Variants in ROBO1 observed in about 807,000 individuals in gnomAD.
ROBO1 encodes the protein roundabout guidance receptor 1.
A neutral mutation model predicts 195.9 loss-of-function variants in ROBO1; 149 were observed. That is an observed-to-expected ratio of 0.76 (90% CI 0.67 to 0.87). The LOEUF (loss-of-function observed/expected upper bound fraction) is 0.87. Ranked by LOEUF, ROBO1 falls within the 40% of genes least tolerant of loss-of-function variation. The pLI, the probability that ROBO1 is intolerant of heterozygous loss-of-function variation, is 0.00. For synonymous variants in ROBO1, 816 were observed against 733.2 expected, an observed-to-expected ratio of 1.11 and a Z score of -1.82; for missense variants, 1,933 against 2,068.3, an observed-to-expected ratio of 0.93 and a Z score of 1.27.
At chr3:79,198,515 A>G (rs1023747200) in intron 2 of ROBO1, among the ~76,000 whole-genome samples, 2 of 152,028 alleles carry the variant, frequency 1.3e-5, no homozygotes, top group Non-Finnish European at 2.9e-5. Context: ...TGTCTTGGCT[A>G]TGAGGGGTCT....
intron 4 of ROBO1, among the ~76,000 whole-genome samples, chr3:78,844,070 C>A (rs921793855): frequency 5.3e-5 from 8 of 152,088 alleles, no homozygotes; most frequent in African/African-American, 1.9e-4. Flanking sequence ...AAATTGTGAT[C>A]ATTCCATTTA....
intron 21 of ROBO1, 43 bp from the exon 22 acceptor site, chr3:78,639,941 A>C: frequency 7.1e-7 from 1 of 1,416,250 alleles, no homozygotes; most frequent in Non-Finnish European, 9.5e-7. Flanking sequence ...ATATGAATAG[A>C]GAGTAATATT....
intron 2 of ROBO1, among the ~76,000 whole-genome samples, chr3:79,481,807 C>T (rs1409353959): frequency 6.6e-6 from 1 of 152,080 alleles, no homozygotes; most frequent in African/African-American, 2.4e-5. Context: ...TTCTATCAAA[C>T]TTAAAAGGAA....
chr3:79,166,802 C>T (rs990396667), intron 2 of ROBO1, among the ~76,000 whole-genome samples: 25 of 152,144 alleles, frequency 1.6e-4, no homozygotes, highest in East Asian at 7.7e-4. Context: ...CTCCTGACCT[C>T]GTTGATCCGC....
intron 3 of ROBO1, among the ~76,000 whole-genome samples, chr3:79,017,228 A>T (rs1213988147): frequency 6.6e-6 from 1 of 152,194 alleles, no homozygotes; most frequent in Non-Finnish European, 1.5e-5. Flanking sequence ...ATTCGCTATC[A>T]TTTAGCTGAC....
chr3:79,411,168 A>G (rs1388978275), intron 2 of ROBO1, among the ~76,000 whole-genome samples: 2 of 152,040 alleles, frequency 1.3e-5, no homozygotes, highest in Non-Finnish European at 2.9e-5. Flanking sequence ...GCACATTTCC[A>G]CCTGTGATGA....
intron 3 of ROBO1, among the ~76,000 whole-genome samples, chr3:78,942,775 C>T (rs187229076): frequency 3.8e-4 from 58 of 152,298 alleles, no homozygotes; most frequent in African/African-American, 1.2e-3. Flanking sequence ...CAGTGGCACA[C>T]GCCTGTAGTG....
At chr3:78,622,887 C>T (rs1172988573) in intron 26 of ROBO1, among the ~76,000 whole-genome samples, 1 of 152,182 alleles carries the variant, frequency 6.6e-6, no homozygotes, top group Non-Finnish European at 1.5e-5. Flanking sequence ...AGCACTGAGA[C>T]ATCAGACACA....
At chr3:79,340,897 G>A (rs2034882040) in intron 2 of ROBO1, among the ~76,000 whole-genome samples, 1 of 152,176 alleles carries the variant, frequency 6.6e-6, no homozygotes, top group Admixed American at 6.5e-5. Context: ...TAAATATGGG[G>A]AAGTGATTTT....
chr3:79,172,824 C>T (rs1026720974), intron 2 of ROBO1, among the ~76,000 whole-genome samples: 1 of 152,038 alleles, frequency 6.6e-6, no homozygotes, highest in South Asian at 2.1e-4. Flanking sequence ...GTTTAGAATA[C>T]CTTTATACCC....
intron 4 of ROBO1, among the ~76,000 whole-genome samples, chr3:78,913,249 T>G (rs937835489): frequency 6.6e-6 from 1 of 152,076 alleles, no homozygotes; most frequent in Non-Finnish European, 1.5e-5. Flanking sequence ...AGAATATGGA[T>G]GATGAGATAG....
intron 8 of ROBO1, among the ~76,000 whole-genome samples, chr3:78,711,059 T>A (rs2081674173): frequency 6.6e-6 from 1 of 152,204 alleles, no homozygotes; most frequent in African/African-American, 2.4e-5. Context: ...TTTCATTGTA[T>A]ATATTTAAAG....
At chr3:79,163,804 C>T (rs544528216) in intron 2 of ROBO1, among the ~76,000 whole-genome samples, 23 of 152,194 alleles carry the variant, frequency 1.5e-4, no homozygotes, top group African/African-American at 5.5e-4. Context: ...TAGAAAAGTA[C>T]AATCCTCACT....
chr3:79,417,722 C>T (rs2038062987), intron 2 of ROBO1, among the ~76,000 whole-genome samples: 1 of 152,084 alleles, frequency 6.6e-6, no homozygotes, highest in Admixed American at 6.6e-5. Context: ...TCAGTGAGGT[C>T]AAGTGAAAAT....
chr3:78,746,638 A>T (rs992829499), intron 5 of ROBO1, 105 bp downstream of exon 5: 2 of 959,344 alleles, frequency 2.1e-6, no homozygotes. Context: ...GAGCTGACGC[A>T]AGCCTTTATT....
chr3:79,275,504 G>C (rs2030952375), intron 2 of ROBO1, among the ~76,000 whole-genome samples: 2 of 151,744 alleles, frequency 1.3e-5, no homozygotes, highest in African/African-American at 4.8e-5. Flanking sequence ...GCAATATATA[G>C]CAGACCCATA....
chr3:78,664,417 C>T (rs1191828411), intron 14 of ROBO1, among the ~76,000 whole-genome samples: 1 of 152,126 alleles, frequency 6.6e-6, no homozygotes, highest in South Asian at 2.1e-4. Context: ...ACAGACAGGG[C>T]ACATGGGTGA....
chr3:79,217,113 A>G (rs952658653), intron 2 of ROBO1, among the ~76,000 whole-genome samples: 4 of 152,126 alleles, frequency 2.6e-5, no homozygotes, highest in African/African-American at 9.6e-5. Context: ...TGTCAGTTAC[A>G]TACATAATTC....
At chr3:79,545,834 T>C (rs1259051271) in intron 2 of ROBO1, among the ~76,000 whole-genome samples, 2 of 152,170 alleles carry the variant, frequency 1.3e-5, no homozygotes, top group Non-Finnish European at 2.9e-5. Flanking sequence ...AAATAATGTT[T>C]GCATGGGTGG....
Sources: allele counts gnomAD v4.1 joint callset (sites outside exome capture counted in the v4.1 genomes callset), GRCh38; gene constraint gnomAD v4.1.1; transcripts MANE v1.5; gene names NCBI Gene and HGNC (gene_info 2026-07-23, HGNC 2026-07-21).